The following PIK3CB variants were observed in gnomAD, a reference collection of about 807,000 sequenced individuals.
The protein encoded by PIK3CB is phosphatidylinositol 4,5-bisphosphate 3-kinase catalytic subunit beta isoform.
Under a neutral mutation model 136.8 loss-of-function variants are expected in PIK3CB, and 39 were observed. The ratio of observed to expected loss-of-function variants is 0.29; its 90% CI spans 0.22 to 0.37. The LOEUF (loss-of-function observed/expected upper bound fraction) is 0.37. Among genes scored for constraint, PIK3CB ranks in the 10% least tolerant of loss-of-function variants. PIK3CB has a pLI of 1.00. For missense variants in PIK3CB, 868 were observed against 1,275.4 expected (o/e 0.68, Z 4.87); for synonymous variants, 428 against 436.6 (o/e 0.98, Z 0.25).
chr3:138,728,775 G>T (rs9863481), intron 8 of PIK3CB, among the ~76,000 whole-genome samples: 1 of 147,128 alleles, frequency 6.8e-6, no homozygotes, highest in African/African-American at 2.5e-5. Flanking sequence ...GTGAGACTCC[G>T]TCTCAAAAAA....
chr3:138,730,326 G>A (rs2044942953), intron 8 of PIK3CB, among the ~76,000 whole-genome samples: 1 of 152,082 alleles, frequency 6.6e-6, no homozygotes, highest in African/African-American at 2.4e-5. Context: ...CACTGACAAA[G>A]GAATAACGCA....
In PIK3CB at chr3:138,737,800, C is replaced by T. The variant is rs765828320; in HGVS notation, c.708G>A (p.Gly236=). 1.2e-6 allele frequency: 2 copies of T among 1,611,216 alleles called. No individual in the cohort carries two copies. Among genetic ancestry groups the T allele is most frequent in the East Asian group, 4.5e-5 (2 of 44,716 alleles). ...CATAGGGGCTAACTTCATCTTCCTT[C>T]CCATGAATAGTCAAACGTTTTTGGA... The part of the protein sequence containing the change: ...LAIQKRLTIH[G]KEDEVSPYDY... Residue 236 remains glycine (G), a synonymous_variant, in exon 6 of 24, where the codon GGG becomes GGA. Transcript: ENST00000674063.
intron 19 of PIK3CB, among the ~76,000 whole-genome samples, chr3:138,681,610 A>G (rs1444826506): frequency 6.6e-6 from 1 of 152,172 alleles, no homozygotes; most frequent in Non-Finnish European, 1.5e-5. Context: ...TAGAGAAATC[A>G]ATGTCCCTGG....
intron 2 of PIK3CB, among the ~76,000 whole-genome samples, chr3:138,785,723 C>T (rs2045974994): frequency 1.3e-5 from 2 of 151,718 alleles, no homozygotes; most frequent in South Asian, 4.2e-4. Flanking sequence ...AACCAGAGAC[C>T]CTTGTTCACA....
intron 2 of PIK3CB, among the ~76,000 whole-genome samples, chr3:138,784,373 C>T (rs1242968054): frequency 6.6e-6 from 1 of 152,110 alleles, no homozygotes; most frequent in Non-Finnish European, 1.5e-5. Flanking sequence ...CAGAGAGAGA[C>T]TCTGTATCAA....
intron 8 of PIK3CB, among the ~76,000 whole-genome samples, 173 bp downstream of exon 8, chr3:138,733,188 T>A (rs1408513505): frequency 6.6e-6 from 1 of 151,926 alleles, no homozygotes. Flanking sequence ...AACAAAATTT[T>A]AAAATTTTAA....
At chr3:138,695,190 A>G (rs975906571) in intron 13 of PIK3CB, among the ~76,000 whole-genome samples, 7 of 152,232 alleles carry the variant, frequency 4.6e-5, no homozygotes, top group African/African-American at 1.7e-4. Flanking sequence ...CTAAAGCTCA[A>G]TTCCATCTGA....
At chr3:138,786,072 T>C (rs970773355) in intron 2 of PIK3CB, among the ~76,000 whole-genome samples, 5 of 152,104 alleles carry the variant, frequency 3.3e-5, no homozygotes, top group African/African-American at 9.7e-5. Flanking sequence ...TACTGGAGTA[T>C]ATGAAGCAAG....
At chr3:138,753,890 A>C (rs774014819) in intron 4 of PIK3CB, among the ~76,000 whole-genome samples, 2 of 152,238 alleles carry the variant, frequency 1.3e-5, no homozygotes, top group African/African-American at 4.8e-5. Context: ...CTAAAAATCA[A>C]TGTGGTTCTG....
intron 2 of PIK3CB, among the ~76,000 whole-genome samples, chr3:138,795,542 A>G (rs1576418280): frequency 6.6e-6 from 1 of 152,080 alleles, no homozygotes; most frequent in African/African-American, 2.4e-5. Flanking sequence ...GAGGCAGGGG[A>G]ATAGCTTGAA....
chr3:138,680,042 A>G (rs1489719809), intron 19 of PIK3CB, among the ~76,000 whole-genome samples: 1 of 151,970 alleles, frequency 6.6e-6, no homozygotes, highest in African/African-American at 2.4e-5. Context: ...AATCTCTAAT[A>G]ATAACTGACA....
At chr3:138,801,907 G>A (rs927725564) in intron 1 of PIK3CB, among the ~76,000 whole-genome samples, 2 of 150,090 alleles carry the variant, frequency 1.3e-5, no homozygotes, top group African/African-American at 2.4e-5. Flanking sequence ...TTAGCTGGGT[G>A]TGTTGGTGCA....
chr3:138,741,172 CTT>C (rs540999628), intron 5 of PIK3CB, among the ~76,000 whole-genome samples: 1 of 152,204 alleles, frequency 6.6e-6, no homozygotes, highest in Admixed American at 6.5e-5. Context: ...AAGGCAGAAT[CTT>C]TTTTTCACAT....
At chr3:138,816,338 A>C (rs1323603924) in intron 1 of PIK3CB, among the ~76,000 whole-genome samples, 1 of 152,114 alleles carries the variant, frequency 6.6e-6, no homozygotes, top group African/African-American at 2.4e-5. Flanking sequence ...TCACGCCTAT[A>C]ATTCCAGCAC....
intron 2 of PIK3CB, among the ~76,000 whole-genome samples, chr3:138,788,656 CAAAAAAAAAAAAAA>C (rs71146142): frequency 2.7e-5 from 1 of 37,720 alleles, no homozygotes; most frequent in Non-Finnish European, 4.4e-5. Flanking sequence ...GACTTTGTCT[CAAAAAAAAAAAAAA>C]AAAAAAAAAA....
chr3:138,788,035 G>C (rs2046001321), intron 2 of PIK3CB, among the ~76,000 whole-genome samples: 1 of 150,490 alleles, frequency 6.6e-6, no homozygotes, highest in African/African-American at 2.4e-5. Flanking sequence ...CGATTCTCCT[G>C]CCTCAGCCTC....
intron 1 of PIK3CB, among the ~76,000 whole-genome samples, chr3:138,799,243 T>A (rs1174599101): frequency 1.3e-5 from 2 of 149,742 alleles, no homozygotes; most frequent in Admixed American, 6.7e-5. Flanking sequence ...AGTGGCATGA[T>A]CTTGACTCAC....
At chr3:138,715,909 A>G (rs2044597239) in intron 8 of PIK3CB, among the ~76,000 whole-genome samples, 1 of 152,060 alleles carries the variant, frequency 6.6e-6, no homozygotes, top group Non-Finnish European at 1.5e-5. Context: ...ATGAACACAG[A>G]TGGATTAGAG....
intron 18 of PIK3CB, among the ~76,000 whole-genome samples, chr3:138,683,409 A>T (rs961014281): frequency 6.6e-6 from 1 of 152,076 alleles, no homozygotes; most frequent in Non-Finnish European, 1.5e-5. Context: ...TTTTTAATCA[A>T]AGGAGTAGGC....
Sources: gnomAD v4.1 joint callset for allele counts (sites outside exome capture counted in the v4.1 genomes callset) on GRCh38, gnomAD v4.1.1 for gene constraint, MANE v1.5 for transcripts, NCBI Gene and HGNC (gene_info 2026-07-23, HGNC 2026-07-21) for gene names.